SLC1A7: variants seen among roughly 807,000 people sequenced by gnomAD.
SLC1A7 encodes the protein solute carrier family 1 member 7.
Under a neutral mutation model 47.7 loss-of-function variants are expected in SLC1A7, and 40 were observed. That is an observed-to-expected ratio of 0.84 (90% CI 0.65 to 1.09). The LOEUF is 1.09. Among genes scored for constraint, SLC1A7 ranks in the 50% least tolerant of loss-of-function variants. SLC1A7 has a pLI of 0.00. For missense variants in SLC1A7, 746 were observed against 769.5 expected (o/e 0.97, Z 0.36); for synonymous variants, 323 against 325.6 (o/e 0.99, Z 0.09).
intron 8 of SLC1A7, chr1:53,090,337 C>T: frequency 3.6e-6 from 2 of 558,374 alleles, no homozygotes; most frequent in South Asian, 2.4e-5. Context: ...TCAGCCTCAG[C>T]CGCATCCCAG....
chr1:53,097,364 C>T (rs372019757), intron 5 of SLC1A7, among the ~76,000 whole-genome samples: 3 of 111,556 alleles, frequency 2.7e-5, no homozygotes, highest in African/African-American at 9.5e-5. Flanking sequence ...CACACACACC[C>T]CCTCGGTACA....
At position 53,088,059 on chromosome 1, in the gene SLC1A7, T is replaced by G. The variant is rs192590104; in HGVS notation, c.1633A>C (p.Ser545Arg). The G allele has an allele frequency of 6.2e-7, 1 of 1,600,498 alleles. No homozygotes were observed. The highest frequency in any genetic ancestry group is 8.5e-7 in the Non-Finnish European group (1 of 1,171,524). The change falls in exon 11 of 11, where the codon AGT (serine) becomes CGT (arginine). Residue 545 changes from serine to arginine, a missense_variant. Transcript: ENST00000371494. Reference sequence around the variant, plus strand: ...ATCTGGATGGTGCAGTGGTTCAGACTCGCAGCGGGCAGCTCCTCATCCTGC... The same window carrying G: ...ATCTGGATGGTGCAGTGGTTCAGACGCGCAGCGGGCAGCTCCTCATCCTGC... ...VEQDEELPAA[S>R]LNHCTIQISE...
chr1:53,108,993 G>T (rs887701212), intron 3 of SLC1A7, among the ~76,000 whole-genome samples: 1 of 152,078 alleles, frequency 6.6e-6, no homozygotes, highest in African/African-American at 2.4e-5. Context: ...TTTTCTGCTT[G>T]TCCCATGAGG....
intron 2 of SLC1A7, among the ~76,000 whole-genome samples, chr1:53,117,942 G>A (rs1644779007): frequency 6.6e-6 from 1 of 152,260 alleles, no homozygotes; most frequent in East Asian, 1.9e-4. Flanking sequence ...CTGTGCTGGA[G>A]CCTCCCTCCC....
At chr1:53,130,730 T>C (rs1439976684) in intron 2 of SLC1A7, among the ~76,000 whole-genome samples, 1 of 152,100 alleles carries the variant, frequency 6.6e-6, no homozygotes, top group African/African-American at 2.4e-5. Context: ...TCTAGCTCAG[T>C]CAGCTCAGGG....
chr1:53,104,348 C>G (rs537731743), intron 4 of SLC1A7, among the ~76,000 whole-genome samples: 47 of 152,334 alleles, frequency 3.1e-4, no homozygotes, highest in Admixed American at 2.6e-4. Context: ...CTGCTACCAT[C>G]ATCGTCATCA....
intron 1 of SLC1A7, among the ~76,000 whole-genome samples, chr1:53,136,594 A>AATATATAAACAT (rs1644998820): frequency 7.8e-6 from 1 of 128,544 alleles, no homozygotes; most frequent in Non-Finnish European, 1.7e-5. Flanking sequence ...AAACATATAT[A>AATATATAAACAT]ATATATAAAC....
At chr1:53,129,472 CACCACTGGTCAAGCGTGG>C (rs1557688811) in intron 2 of SLC1A7, among the ~76,000 whole-genome samples, 7 of 139,930 alleles carry the variant, frequency 5.0e-5, no homozygotes, top group South Asian at 2.2e-4. Flanking sequence ...CAGATGAAGC[CACCACTGGTCAAGCGTGG>C]GCTGCACTCA....
At chr1:53,138,239 A>G (rs1263866567) in intron 1 of SLC1A7, among the ~76,000 whole-genome samples, 2 of 152,216 alleles carry the variant, frequency 1.3e-5, no homozygotes, top group Non-Finnish European at 2.9e-5. Flanking sequence ...AAAGATCATC[A>G]GTTTATCTCC....
chr1:53,130,706 G>A (rs1452754984), intron 2 of SLC1A7, among the ~76,000 whole-genome samples: 1 of 152,114 alleles, frequency 6.6e-6, no homozygotes, highest in Non-Finnish European at 1.5e-5. Flanking sequence ...ACCTCTGCTT[G>A]GACCCTTTGG....
chr1:53,127,965 C>T (rs1032118412), intron 2 of SLC1A7, among the ~76,000 whole-genome samples: 4 of 152,308 alleles, frequency 2.6e-5, no homozygotes, highest in South Asian at 2.1e-4. Context: ...AGACTGCTGG[C>T]CCAGGGACTG....
rs146037864 is a variant in SLC1A7, at chr1:53,092,724, C to G, written c.861G>C (p.Arg287Ser). Reference protein sequence around the residue: ...AGKILEMDDPRAVGKKLGFYS... With the variant: ...AGKILEMDDPSAVGKKLGFYS... Reference sequence around the variant, plus strand: ...AGAAGCCCAGCTTCTTGCCGACGGCCCTGGGGTCGTCCATCTCCAGGATCT... The same window carrying G: ...AGAAGCCCAGCTTCTTGCCGACGGCGCTGGGGTCGTCCATCTCCAGGATCT... The change falls in exon 7 of 11, where the codon AGG becomes AGC. Residue 287 changes from arginine to serine, a missense_variant. Arg to Ser is a moderately radical substitution (Grantham distance 110). Transcript: ENST00000371494. 1 of 1,614,040 alleles carries G rather than the reference C, an allele frequency of 6.2e-7. No homozygotes were observed. Among genetic ancestry groups the G allele is most frequent in the Non-Finnish European group, 8.5e-7 (1 of 1,179,990 alleles).
At chr1:53,115,241 T>C in intron 2 of SLC1A7, 1 of 552,814 alleles carries the variant, frequency 1.8e-6, no homozygotes, top group South Asian at 2.2e-5. Flanking sequence ...GGCTGTGGGA[T>C]GGTGGGGACA....
intron 5 of SLC1A7, among the ~76,000 whole-genome samples, chr1:53,099,500 T>G (rs980835620): frequency 7.6e-6 from 1 of 132,074 alleles, no homozygotes. Context: ...ACCGCCTCAG[T>G]ACACTCACTC....
At chr1:53,106,747 C>T (rs1304373976) in intron 3 of SLC1A7, among the ~76,000 whole-genome samples, 2 of 152,102 alleles carry the variant, frequency 1.3e-5, no homozygotes, top group African/African-American at 4.8e-5. Flanking sequence ...AGTGAGGAAA[C>T]GAAGGATTCA....
intron 2 of SLC1A7, chr1:53,118,662 C>T (rs1389153507): frequency 6.6e-6 from 1 of 152,068 alleles, no homozygotes; most frequent in Non-Finnish European, 1.5e-5. Context: ...TTTATTTAAC[C>T]TAGTTTATCC....
rs886616582 is a variant in SLC1A7 at position 53,128,571 on chromosome 1, C to T, written c.215+5779G>A. 5.6e-4 allele frequency among the ~76,000 whole-genome samples: 80 copies of T among 143,026 alleles called. 15 individuals carry two copies. Among genetic ancestry groups the T allele is most frequent in the African/African-American group, 2.0e-3 (78 of 38,762 alleles). 93.8% of individuals were successfully genotyped at this position (143,026 alleles called of 152,430 possible). A position where few individuals can be genotyped will look rare whatever the true frequency, so the allele number is the denominator to read the frequency against. On this transcript the variant is annotated intron_variant, in intron 2 of 10. Transcript: ENST00000371494. ...GGCTCTGGGTGCCAGGTGAGTGCAT[C>T]ATGGAGAAGTGGGCAGGACCTGGCC...
At chr1:53,127,291 G>A (rs12097556) in intron 2 of SLC1A7, among the ~76,000 whole-genome samples, 42,169 of 151,944 alleles carry the variant, frequency 0.28, 6,317 homozygotes, top group Middle Eastern at 0.42. Context: ...TCAGATGAAA[G>A]GGGGAGAGTT....
chr1:53,129,984 T>C (rs1223454072), intron 2 of SLC1A7, among the ~76,000 whole-genome samples: 1 of 152,006 alleles, frequency 6.6e-6, no homozygotes, highest in Non-Finnish European at 1.5e-5. Context: ...GTGAGATGAG[T>C]GGCTCTTCCG....
Sources: allele counts gnomAD v4.1 joint callset (sites outside exome capture counted in the v4.1 genomes callset), GRCh38; gene constraint gnomAD v4.1.1; transcripts MANE v1.5; gene names NCBI Gene and HGNC (gene_info 2026-07-23, HGNC 2026-07-21).